Variants in AFG1L observed in about 807,000 individuals in gnomAD.
AFG1L encodes AFG1 like ATPase.
In AFG1L, 53 loss-of-function variants were observed where a neutral mutation model predicts 62.2. The ratio of observed to expected loss-of-function variants is 0.85; its 90% CI spans 0.68 to 1.07. The LOEUF (loss-of-function observed/expected upper bound fraction) is 1.07, where lower values mean the gene tolerates loss of function less well. Ranked by LOEUF, AFG1L falls within the 50% of genes least tolerant of loss-of-function variation. AFG1L has a pLI of 0.00. For synonymous variants in AFG1L, 228 were observed against 210.3 expected, an observed-to-expected ratio of 1.08 and a Z score of -0.73; for missense variants, 555 against 590.5, an observed-to-expected ratio of 0.94 and a Z score of 0.62.
intron 3 of AFG1L, among the ~76,000 whole-genome samples, chr6:108,352,962 T>C (rs1161859013): frequency 6.6e-6 from 1 of 152,176 alleles, no homozygotes; most frequent in East Asian, 1.9e-4. Context: ...TGTAACATTT[T>C]ATGTATATAC....
At chr6:108,333,525 G>A (rs1371413303) in intron 2 of AFG1L, among the ~76,000 whole-genome samples, 3 of 152,004 alleles carry the variant, frequency 2.0e-5, no homozygotes, top group African/African-American at 7.3e-5. Context: ...TGGGAGGATC[G>A]CTTGAGGCCA....
At chr6:108,401,954 A>G in intron 6 of AFG1L, 42 bp from the exon 7 acceptor site, 1 of 881,336 alleles carries the variant, frequency 1.1e-6, no homozygotes, top group Non-Finnish European at 1.8e-6. Context: ...TAACATCATG[A>G]TTTAGGCTAA....
At chr6:108,376,613 A>G (rs893756082) in intron 6 of AFG1L, among the ~76,000 whole-genome samples, 1 of 151,988 alleles carries the variant, frequency 6.6e-6, no homozygotes, top group African/African-American at 2.4e-5. Flanking sequence ...TTTTTATTCT[A>G]CTGTGGTCCA....
intron 1 of AFG1L, among the ~76,000 whole-genome samples, chr6:108,319,985 C>T (rs148495583): frequency 2.2e-3 from 330 of 151,964 alleles, no homozygotes; most frequent in Middle Eastern, 6.8e-3. Context: ...GGACTTTGTG[C>T]CCCCCTTTCC....
chr6:108,380,819 C>A (rs1780472583), intron 6 of AFG1L, among the ~76,000 whole-genome samples: 1 of 152,158 alleles, frequency 6.6e-6, no homozygotes, highest in Non-Finnish European at 1.5e-5. Context: ...TTCCCTTGGC[C>A]TGGGTTGCTT....
chr6:108,515,908 G>C (rs1398957131), intron 11 of AFG1L, among the ~76,000 whole-genome samples: 4 of 152,172 alleles, frequency 2.6e-5, no homozygotes. Context: ...TAGAAGAAAT[G>C]GATAAGTTCC....
chr6:108,461,870 G>A (rs1056576424), intron 8 of AFG1L, among the ~76,000 whole-genome samples: 2 of 152,070 alleles, frequency 1.3e-5, no homozygotes, highest in Admixed American at 6.6e-5. Context: ...CGAGGTGGGC[G>A]GATCACGAGG....
chr6:108,348,774 C>T (rs1213959891), intron 3 of AFG1L, among the ~76,000 whole-genome samples: 1 of 152,204 alleles, frequency 6.6e-6, no homozygotes, highest in African/African-American at 2.4e-5. Context: ...CTGAGAACAT[C>T]TACTTCCAGT....
At chr6:108,514,055 G>A (rs1367173426) in intron 11 of AFG1L, among the ~76,000 whole-genome samples, 5 of 152,174 alleles carry the variant, frequency 3.3e-5, no homozygotes, top group Admixed American at 1.3e-4. Context: ...TGAGAGTCCT[G>A]ACTGTTAGAA....
chr6:108,484,525 C>T lies in AFG1L; in HGVS notation c.1062+7233C>T, dbSNP rs541245619. Among the ~76,000 whole-genome samples, 13 of 152,238 alleles carry T rather than the reference C, an allele frequency of 8.5e-5. No individual in the cohort carries two copies. The South Asian group carries it at 1.9e-3, about 22-fold the overall frequency. On this transcript the variant is annotated intron_variant, in intron 10 of 12. Transcript: ENST00000368977. ...CACCTCAAGGGTCACCTTATCTAACCGTTCAACCAACCCTGAATCCTACAA... is the reference window on the plus strand; with the variant it reads ...CACCTCAAGGGTCACCTTATCTAACTGTTCAACCAACCCTGAATCCTACAA...
At chr6:108,367,770 A>T (rs1779818568) in intron 6 of AFG1L, among the ~76,000 whole-genome samples, 1 of 152,168 alleles carries the variant, frequency 6.6e-6, no homozygotes, top group Non-Finnish European at 1.5e-5. Context: ...GCAGCTGGTG[A>T]GGTAGGAGGA....
intron 2 of AFG1L, among the ~76,000 whole-genome samples, chr6:108,344,403 G>A (rs145895462): frequency 2.0e-5 from 3 of 152,080 alleles, no homozygotes; most frequent in Non-Finnish European, 4.4e-5. Flanking sequence ...ATGAGCCATC[G>A]CGCCCAGCCT....
At chr6:108,394,633 C>T (rs1466915251) in intron 6 of AFG1L, among the ~76,000 whole-genome samples, 2 of 152,152 alleles carry the variant, frequency 1.3e-5, no homozygotes, top group African/African-American at 4.8e-5. Flanking sequence ...TGAGATTAAT[C>T]TATTTTGCTA....
At chr6:108,327,702 A>G (rs1473383384) in intron 2 of AFG1L, among the ~76,000 whole-genome samples, 1 of 152,222 alleles carries the variant, frequency 6.6e-6, no homozygotes, top group Non-Finnish European at 1.5e-5. Context: ...TGATGCAAGC[A>G]TTGAGACCAT....
chr6:108,296,160 A>G (rs140534587), intron 1 of AFG1L, among the ~76,000 whole-genome samples: 4 of 152,354 alleles, frequency 2.6e-5, no homozygotes, highest in African/African-American at 9.6e-5. Context: ...AATTAATACT[A>G]GAACTTTGAT....
At chr6:108,324,692 CTTT>C (rs1326027860) in intron 2 of AFG1L, among the ~76,000 whole-genome samples, 6 of 134,674 alleles carry the variant, frequency 4.5e-5, no homozygotes, top group Non-Finnish European at 4.9e-5. Flanking sequence ...CCTTTCAGGA[CTTT>C]TTTTTTTTTT....
intron 8 of AFG1L, among the ~76,000 whole-genome samples, chr6:108,451,112 A>C (rs918753021): frequency 4.6e-5 from 7 of 152,140 alleles, no homozygotes; most frequent in Non-Finnish European, 1.5e-5. Context: ...GTTTCACTGG[A>C]GCCCCAACTG....
At chr6:108,503,212 T>C (rs982190359) in intron 10 of AFG1L, among the ~76,000 whole-genome samples, 4 of 152,240 alleles carry the variant, frequency 2.6e-5, no homozygotes, top group Non-Finnish European at 5.9e-5. Flanking sequence ...CTTCATGGTA[T>C]CTAGAATGAT....
intron 3 of AFG1L, among the ~76,000 whole-genome samples, chr6:108,354,372 C>T (rs1280691997): frequency 4.0e-5 from 6 of 151,804 alleles, no homozygotes; most frequent in African/African-American, 1.2e-4. Flanking sequence ...TGCAGTGGCA[C>T]GATCTCACTG....
Sources: allele counts gnomAD v4.1 joint callset (sites outside exome capture counted in the v4.1 genomes callset), GRCh38; gene constraint gnomAD v4.1.1; transcripts MANE v1.5; gene names NCBI Gene and HGNC (gene_info 2026-07-23, HGNC 2026-07-21).